TKT: variants seen among roughly 807,000 people sequenced by gnomAD.
The protein encoded by TKT is epididymis luminal protein 107.
TKT carries 47 observed loss-of-function variants against 63.9 expected under a neutral mutation model. That is an observed-to-expected ratio of 0.74 (90% confidence interval 0.58 to 0.94). The LOEUF (loss-of-function observed/expected upper bound fraction) is 0.94. TKT is among the 40% of genes least tolerant of loss of function. The pLI, the probability that TKT is intolerant of heterozygous loss-of-function variation, is 0.00. For synonymous variants in TKT, 338 were observed against 334.1 expected (o/e 1.01, Z -0.13); for missense variants, 721 against 846.2 (o/e 0.85, Z 1.84).
Position 53,255,978 on chromosome 3 carries a change from A to C in TKT, c.-36T>G, listed in dbSNP as rs1705977744. ...GCGGGGACCGGGCGCACACGCGGAC[A>C]CACAGAGATAGCGGCTGCTCCCGCG... is the stretch of plus-strand genomic sequence containing the variant. On this transcript the variant is annotated 5_prime_UTR_variant, in exon 1 of 14. Coordinates refer to ENST00000462138, the MANE Select transcript of TKT (RefSeq NM_001064.4). The C allele has an allele frequency of 2.1e-6, 3 of 1,418,412 alleles. No individual in the cohort carries two copies. Among genetic ancestry groups the C allele is most frequent in the Non-Finnish European group, 2.8e-6 (3 of 1,058,124 alleles). The allele number at this position is 1,418,412 out of a possible 1,614,324, so 87.9% of individuals were successfully genotyped here.
intron 1 of TKT, among the ~76,000 whole-genome samples, chr3:53,245,083 C>T (rs1157694385): frequency 1.3e-5 from 2 of 151,820 alleles, no homozygotes; most frequent in African/African-American, 2.4e-5. Flanking sequence ...GCAGGCGGAT[C>T]ACCTGAGGTC....
rs782455911 is a variant in TKT at position 53,225,855 on chromosome 3, C to A, written c.1773G>T (p.Arg591=). ...GITVTHLAVN[R]VPRSGKPAEL... is the part of the protein sequence containing the mutation. ...CAGCCGGCTTCCCACTTCTTGGTAC[C>A]CGGTTAACTGCCAGGTGGGTGACAG... is the stretch of plus-strand genomic sequence containing the variant. Residue 591 remains arginine (R), a synonymous_variant, in exon 14 of 14, where the codon CGG becomes CGT. Coordinates refer to ENST00000462138, the MANE Select transcript of TKT (RefSeq NM_001064.4). The A allele has an allele frequency of 3.1e-6, 5 of 1,614,080 alleles. No homozygotes were observed. In the South Asian group the frequency reaches 5.5e-5, roughly 18 times the overall value.
chr3:53,252,542 A>AT (rs1282463272), intron 1 of TKT, among the ~76,000 whole-genome samples: 2 of 152,236 alleles, frequency 1.3e-5, no homozygotes, highest in South Asian at 2.1e-4. Context: ...GCAAATGGAT[A>AT]TTTTTTGAGT....
At position 53,233,158 on chromosome 3, in the gene TKT, G is replaced by C; in HGVS notation, c.746C>G (p.Thr249Arg). 6.2e-7 allele frequency: 1 copy of C among 1,613,364 alleles called. No homozygotes were observed. Among genetic ancestry groups the C allele is most frequent in the Non-Finnish European group, 8.5e-7 (1 of 1,179,650 alleles). The change falls in exon 6 of 14, where the codon ACG (threonine) becomes AGG (arginine). Residue 249 changes from threonine (T) to arginine (R), a missense_variant and splice_region_variant. Transcript: ENST00000462138. ...IAKTFKGRGI[T>R]GVEDKESWHG... ...GAGGGCGGCTTGTGCATACTGACCC[G>C]TGATCCCTCGGCCCTTGAAGGTCTT...
chr3:53,232,483 G>GC (rs1227296140), intron 6 of TKT: 1 of 398,890 alleles, frequency 2.5e-6, no homozygotes, highest in East Asian at 3.6e-5. Flanking sequence ...CCTGGGATCA[G>GC]CCCCCCTCGT....
At chr3:53,238,449 G>A (rs562050508) in intron 4 of TKT, among the ~76,000 whole-genome samples, 1 of 152,228 alleles carries the variant, frequency 6.6e-6, no homozygotes, top group Non-Finnish European at 1.5e-5. Flanking sequence ...GGTCTGGAAG[G>A]GACTGTGAGG....
At chr3:53,234,529 T>C (rs3773740) in intron 5 of TKT, 58,658 of 153,082 alleles carry the variant, frequency 0.38, 11,998 homozygotes, top group East Asian at 0.57. Context: ...AAGGGGGGCA[T>C]CTGGAAACCC....
At chr3:53,227,071 T>A (rs1016543111) in intron 12 of TKT, 193 bp from the exon 13 acceptor site, 2 of 632,324 alleles carry the variant, frequency 3.2e-6, no homozygotes, top group Non-Finnish European at 5.3e-6. Context: ...CCCCTTGCAC[T>A]GGGGCATCTG....
At chr3:53,250,072 C>T (rs1484283194) in intron 1 of TKT, among the ~76,000 whole-genome samples, 2 of 152,176 alleles carry the variant, frequency 1.3e-5, no homozygotes, top group East Asian at 1.9e-4. Flanking sequence ...CTTAAAACAC[C>T]GACCACCAGC....
intron 1 of TKT, among the ~76,000 whole-genome samples, chr3:53,245,250 G>A (rs1553680697): frequency 1.4e-5 from 2 of 147,002 alleles, no homozygotes; most frequent in Non-Finnish European, 3.0e-5. Context: ...AGGTTGCAGT[G>A]AGCCAAGATT....
chr3:53,229,595 G>A (rs1473597196), intron 8 of TKT, among the ~76,000 whole-genome samples, 159 bp from the exon 9 acceptor site: 1 of 152,082 alleles, frequency 6.6e-6, no homozygotes, highest in East Asian at 1.9e-4. Context: ...TGCAGAGACC[G>A]GTCCTCCCAA....
intron 1 of TKT, among the ~76,000 whole-genome samples, chr3:53,243,941 C>T (rs141129255): frequency 3.3e-4 from 50 of 152,300 alleles, no homozygotes; most frequent in Non-Finnish European, 7.1e-4. Context: ...CTCCACCTGC[C>T]CCATCCACCT....
chr3:53,231,419 G>A lies in TKT; in HGVS notation c.880C>T (p.Pro294Ser). ...CGGATGTTGGCAATGTCCACTGAGG[G>A]TGCGTCCTCCTGTGGAGGGGTTGCC... ...ILATPPQEDA[P>S]SVDIANIRMP... The change falls in exon 7 of 14, where the codon CCC becomes TCC. Residue 294 changes from proline to serine, a missense_variant. Transcript: ENST00000462138. 6.2e-7 allele frequency: 1 copy of A among 1,614,124 alleles called. No homozygotes were observed. The highest frequency in any genetic ancestry group is 8.5e-7 in the Non-Finnish European group (1 of 1,180,034).
intron 7 of TKT, 59 bp from the exon 8 acceptor site, chr3:53,230,680 G>A (rs1704714513): frequency 6.3e-7 from 1 of 1,591,524 alleles, no homozygotes; most frequent in South Asian, 1.1e-5. Flanking sequence ...CACACCTGCA[G>A]CCTGGAGCCC....
rs192171256 is a variant in TKT at position 53,240,600 on chromosome 3, C to T, written c.340-252G>A. On this transcript the variant is annotated intron_variant, in intron 3 of 13. Coordinates refer to ENST00000462138, the MANE Select transcript of TKT (RefSeq NM_001064.4). ...AGGCAAGGGACTGAACCTCTGTGAG[C>T]CTCAGTTCCCACATCACCCACTTCA... is the stretch of plus-strand genomic sequence containing the variant. Among the ~76,000 whole-genome samples the T allele has an allele frequency of 7.9e-5, 12 of 152,348 alleles. No individual in the cohort carries two copies. In the South Asian group the frequency reaches 1.4e-3, roughly 18 times the overall value.
At chr3:53,231,624 G>A in intron 6 of TKT, 74 bp from the exon 7 acceptor site, 3 of 1,480,498 alleles carry the variant, frequency 2.0e-6, no homozygotes, top group Non-Finnish European at 9.1e-7. Flanking sequence ...GCTGCTCCAG[G>A]AGACTGGCCC....
intron 4 of TKT, among the ~76,000 whole-genome samples, chr3:53,238,754 T>A (rs1035455531): frequency 1.3e-5 from 2 of 152,216 alleles, no homozygotes; most frequent in Non-Finnish European, 2.9e-5. Context: ...CACCACCAAC[T>A]GGATGGCCTA....
chr3:53,240,388 G>A, intron 3 of TKT, 40 bp from the exon 4 acceptor site: 1 of 1,584,704 alleles, frequency 6.3e-7, no homozygotes, highest in Non-Finnish European at 8.6e-7. Context: ...GAGAGGAGAA[G>A]GGATCCTGGT....
intron 1 of TKT, among the ~76,000 whole-genome samples, chr3:53,246,160 T>G (rs1465035039): frequency 6.6e-6 from 1 of 151,922 alleles, no homozygotes; most frequent in East Asian, 1.9e-4. Context: ...CCCAGCTACT[T>G]GGGAAGCTGA....
Sources: gnomAD v4.1 joint callset for allele counts (sites outside exome capture counted in the v4.1 genomes callset) on GRCh38, gnomAD v4.1.1 for gene constraint, MANE v1.5 for transcripts, NCBI Gene and HGNC (gene_info 2026-07-23, HGNC 2026-07-21) for gene names.